C3orf49: variants seen among roughly 807,000 people sequenced by gnomAD.
C3orf49 encodes putative uncharacterized protein C3orf49.
In C3orf49, 27 loss-of-function variants were observed where a neutral mutation model predicts 13.3. The ratio of observed to expected loss-of-function variants is 2.02; its 90% CI spans 1.49 to 2.79. The LOEUF is 2.79. Ranked by LOEUF, C3orf49 falls within the 30% of genes most tolerant of loss-of-function variation. C3orf49 has a pLI of 0.00. For missense variants in C3orf49, 242 were observed against 134.2 expected (o/e 1.80, Z -3.97); for synonymous variants, 87 against 47.6 (o/e 1.83, Z -3.40).
chr3:63,796,048 G>C, the C3orf49 span, among the ~76,000 whole-genome samples: 4 of 152,150 alleles, frequency 2.6e-5, no homozygotes, highest in African/African-American at 9.7e-5. Flanking sequence ...ATAATGCAGA[G>C]ACAGTAAAAT....
chr3:63,794,801 C>T, the C3orf49 span, among the ~76,000 whole-genome samples: 1 of 152,106 alleles, frequency 6.6e-6, no homozygotes, highest in Non-Finnish European at 1.5e-5. Context: ...ATACATCGTC[C>T]TGAGGCAGGA....
At chr3:63,842,714 A>G (rs77633829) in intron 5 of C3orf49, among the ~76,000 whole-genome samples, 2,134 of 152,034 alleles carry the variant, frequency 0.014, 46 homozygotes, top group East Asian at 0.081. Flanking sequence ...AGGCTGGGAG[A>G]GGGGTGAGGG....
the C3orf49 span, among the ~76,000 whole-genome samples, chr3:63,782,162 A>G: frequency 1.7e-3 from 264 of 152,336 alleles, 4 homozygotes; most frequent in African/African-American, 6.2e-3. Flanking sequence ...AGATAATCCA[A>G]CATAAGTCAG....
At chr3:63,821,902 AAT>A (rs1247615630) in intron 1 of C3orf49, among the ~76,000 whole-genome samples, 2 of 152,148 alleles carry the variant, frequency 1.3e-5, no homozygotes, top group African/African-American at 4.8e-5. Flanking sequence ...TGGTTGTGAA[AAT>A]ATAGTTTTGC....
In C3orf49 at chr3:63,823,251, T is replaced by C. The variant is rs563285127; in HGVS notation, c.127T>C (p.Trp43Arg). The C allele has an allele frequency of 1.4e-6, 1 of 690,526 alleles. No individual in the cohort carries two copies. The highest frequency in any genetic ancestry group is 2.1e-5 in the Admixed American group (1 of 48,544). 42.8% of individuals were successfully genotyped at this position (690,526 alleles called of 1,614,324 possible). A position where few individuals can be genotyped will look rare whatever the true frequency, so the allele number is the denominator to read the frequency against. ...ATGAACCATTTTTATTTTGTTTAGA[T>C]GGCATAGAGCTGTGTCTACCAACTT... ...GSFKRKGIER[W>R]HRAVSTNLLK... The change falls in exon 2 of 7, where the codon TGG becomes CGG. Residue 43 changes from tryptophan to arginine, a missense_variant and splice_region_variant. Physicochemically the swap from Trp to Arg is moderately radical, Grantham distance 101 (BLOSUM62 -3). Transcript: ENST00000295896.
At chr3:63,823,650 G>C in intron 2 of C3orf49, 81 bp downstream of exon 2, 1 of 623,552 alleles carries the variant, frequency 1.6e-6, no homozygotes, top group Non-Finnish European at 2.9e-6. Context: ...TGCTACACCA[G>C]TATGGCATCC....
At chr3:63,805,886 C>T in the C3orf49 span, among the ~76,000 whole-genome samples, 1 of 152,328 alleles carries the variant, frequency 6.6e-6, no homozygotes, top group East Asian at 1.9e-4. Context: ...CACAGAAGTG[C>T]AAGAGACCCA....
At chr3:63,832,077 C>G in intron 5 of C3orf49, 1 of 394,830 alleles carries the variant, frequency 2.5e-6, no homozygotes, top group East Asian at 5.0e-5. Context: ...GCCTCTAATC[C>G]CAGCTACTCG....
the C3orf49 span, among the ~76,000 whole-genome samples, chr3:63,783,717 C>CA: frequency 0.015 from 2,208 of 147,988 alleles, 31 homozygotes; most frequent in South Asian, 0.068. Flanking sequence ...GACTCCATCT[C>CA]AAAAAAAAAT....
intron 1 of C3orf49, among the ~76,000 whole-genome samples, chr3:63,822,475 C>G (rs531839421): frequency 6.6e-6 from 1 of 152,248 alleles, no homozygotes; most frequent in Non-Finnish European, 1.5e-5. Flanking sequence ...CAACACAGAC[C>G]TCAGGATCAG....
chr3:63,816,019 C>T (rs1293561217), upstream of C3orf49, among the ~76,000 whole-genome samples: 3 of 151,574 alleles, frequency 2.0e-5, no homozygotes, highest in African/African-American at 4.8e-5. Flanking sequence ...CTCTTGACCT[C>T]GTGATCTGCC....
chr3:63,839,617 T>G (rs1470041210), intron 5 of C3orf49: 7 of 1,563,444 alleles, frequency 4.5e-6, no homozygotes, highest in Non-Finnish European at 6.2e-6. Flanking sequence ...AAAATCACAT[T>G]AGGACACTGG....
At chr3:63,831,081 A>T in intron 3 of C3orf49, 29 bp from the exon 4 acceptor site, 1 of 693,038 alleles carries the variant, frequency 1.4e-6, no homozygotes, top group East Asian at 2.7e-5. Context: ...GTAGTTCCTA[A>T]TCTGATGTGT....
the C3orf49 span, among the ~76,000 whole-genome samples, chr3:63,798,529 A>G: frequency 1.3e-5 from 2 of 152,166 alleles, no homozygotes; most frequent in East Asian, 3.8e-4. Flanking sequence ...CCTATCACAT[A>G]ATAAACACTT....
In C3orf49 at chr3:63,823,471, C is replaced by A. The variant is rs1701424989; in HGVS notation, c.347C>A (p.Ala116Asp). The change falls in exon 2 of 7, where the codon GCC becomes GAC. Residue 116 changes from alanine (A) to aspartate (D), a missense_variant. Coordinates refer to ENST00000295896, the MANE Select transcript of C3orf49 (RefSeq NM_001355236.2). Reference protein sequence around the residue: ...SQEGSTDHKEALLSNTQSLLP... With the variant: ...SQEGSTDHKEDLLSNTQSLLP... ...GAGGGCTCCACTGACCATAAAGAAGCCCTCCTGTCAAACACGCAGAGCCTT... is the reference window on the plus strand; with the variant it reads ...GAGGGCTCCACTGACCATAAAGAAGACCTCCTGTCAAACACGCAGAGCCTT... 1 of 703,130 alleles carries A rather than the reference C, an allele frequency of 1.4e-6. No homozygotes were observed. The highest frequency in any genetic ancestry group is 2.6e-6 in the Non-Finnish European group (1 of 385,046). The allele number at this position is 703,130 out of a possible 1,614,324, so 43.6% of individuals were successfully genotyped here.
chr3:63,836,984 T>C (rs1701647794), intron 5 of C3orf49, among the ~76,000 whole-genome samples: 2 of 152,046 alleles, frequency 1.3e-5, no homozygotes, highest in South Asian at 2.1e-4. Flanking sequence ...TTAGAACTGA[T>C]ACTAAGTTGG....
intron 3 of C3orf49, among the ~76,000 whole-genome samples, chr3:63,829,928 T>C (rs1701512180): frequency 6.6e-6 from 1 of 152,210 alleles, no homozygotes; most frequent in Admixed American, 6.5e-5. Context: ...ATCATGCCAC[T>C]GCTCTCCAGC....
At chr3:63,838,258 A>G in intron 5 of C3orf49, 2 of 940,762 alleles carry the variant, frequency 2.1e-6, no homozygotes, top group Non-Finnish European at 3.1e-6. Context: ...TATTCTTTCC[A>G]TTAATACAGT....
chr3:63,780,470 C>T, the C3orf49 span, among the ~76,000 whole-genome samples: 1 of 152,160 alleles, frequency 6.6e-6, no homozygotes, highest in Non-Finnish European at 1.5e-5. Flanking sequence ...GTCCTTACAG[C>T]AGCATGTTTT....
Sources: gnomAD v4.1 joint callset for allele counts (sites outside exome capture counted in the v4.1 genomes callset) on GRCh38, gnomAD v4.1.1 for gene constraint, MANE v1.5 for transcripts, NCBI Gene and HGNC (gene_info 2026-07-23, HGNC 2026-07-21) for gene names.